The following CCDC3 variants were observed in gnomAD, a reference collection of about 807,000 sequenced individuals.
CCDC3 encodes coiled-coil domain-containing protein 3.
In CCDC3, 24 loss-of-function variants were observed where a neutral mutation model predicts 21.4. The ratio of observed to expected loss-of-function variants is 1.12; its 90% CI spans 0.81 to 1.58. The LOEUF is 1.58. Ranked by LOEUF, CCDC3 falls within the 40% of genes most tolerant of loss-of-function variation. The pLI is 0.00. For synonymous variants in CCDC3, 186 were observed against 166.0 expected (o/e 1.12, Z -0.93); for missense variants, 425 against 360.9 (o/e 1.18, Z -1.44).
chr10:13,036,120 G>C (rs1488371239), intron 5 of CCDC3, among the ~76,000 whole-genome samples: 1 of 151,830 alleles, frequency 6.6e-6, no homozygotes, highest in Non-Finnish European at 1.5e-5. Flanking sequence ...CTCCAGCCTG[G>C]TGACAGAGCA....
chr10:12,899,726 C>T (rs1472327617), intron 2 of CCDC3, among the ~76,000 whole-genome samples: 5 of 152,136 alleles, frequency 3.3e-5, no homozygotes, highest in South Asian at 2.1e-4. Context: ...GTGCGAAATA[C>T]GGTACCCATC....
chr10:13,070,536 C>T (rs935911872), intron 4 of CCDC3, among the ~76,000 whole-genome samples: 10 of 152,136 alleles, frequency 6.6e-5, no homozygotes, highest in African/African-American at 1.9e-4. Flanking sequence ...ATACAGGGTT[C>T]CTAACCTGCG....
intron 2 of CCDC3, among the ~76,000 whole-genome samples, chr10:12,954,711 C>T (rs1468368087): frequency 3.9e-5 from 6 of 152,214 alleles, no homozygotes. Context: ...AAGGGATCCA[C>T]CCCCATGACC....
intron 3 of CCDC3, among the ~76,000 whole-genome samples, chr10:13,098,289 A>G (rs1002153525): frequency 7.9e-5 from 12 of 152,106 alleles, no homozygotes; most frequent in Non-Finnish European, 1.3e-4. Context: ...GCTCATTTTA[A>G]TTCACTTTCA....
Position 12,928,795 on chromosome 10 carries a change from G to A in CCDC3, c.550-30116C>T, listed in dbSNP as rs187528018. On this transcript the variant is annotated intron_variant, in intron 2 of 2. Transcript: ENST00000378825. The stretch of plus-strand genomic sequence containing the variant: ...CCTGGAGCAGCAATTGTGAAGCATC[G>A]TTCTCCTGTTCCAGCATCTCTCCAA... Among the ~76,000 whole-genome samples, 19 of 152,216 alleles carry A rather than the reference G, an allele frequency of 1.2e-4. No individual in the cohort carries two copies. The East Asian group carries it at 2.1e-3, about 17-fold the overall frequency.
chr10:12,927,100 TC>T (rs1834554750), intron 2 of CCDC3, among the ~76,000 whole-genome samples: 1 of 152,064 alleles, frequency 6.6e-6, no homozygotes, highest in African/African-American at 2.4e-5. Flanking sequence ...GTTTTCCATC[TC>T]CCCTGCCAAA....
chr10:12,957,295 C>T (rs1299310789), intron 2 of CCDC3, among the ~76,000 whole-genome samples: 6 of 152,170 alleles, frequency 3.9e-5, no homozygotes, highest in South Asian at 2.1e-4. Context: ...CTAAAGGGTT[C>T]GGGGCCGAGC....
intron 4 of CCDC3, among the ~76,000 whole-genome samples, chr10:13,057,113 C>T (rs1448965077): frequency 6.6e-6 from 1 of 151,858 alleles, no homozygotes; most frequent in Non-Finnish European, 1.5e-5. Context: ...GCAACAACAG[C>T]AAGACCCCAT....
intron 2 of CCDC3, among the ~76,000 whole-genome samples, chr10:12,950,026 A>G (rs1163962357): frequency 1.3e-5 from 2 of 152,142 alleles, no homozygotes; most frequent in African/African-American, 4.8e-5. Flanking sequence ...ATCCAAGCCC[A>G]TCATCACCTC....
intron 2 of CCDC3, among the ~76,000 whole-genome samples, chr10:12,968,248 G>A (rs1039045127): frequency 7.0e-6 from 1 of 142,106 alleles, no homozygotes. Flanking sequence ...AGGAACAAGA[G>A]AAAACAGGAA....
chr10:12,898,601 G>C lies in CCDC3; in HGVS notation c.628C>G (p.Leu210Val). 1 of 1,614,228 alleles carries C rather than the reference G, an allele frequency of 6.2e-7. No homozygotes were observed. The highest frequency in any genetic ancestry group is 8.5e-7 in the Non-Finnish European group (1 of 1,180,032). Residue 210 changes from leucine (L) to valine (V), a missense_variant, in exon 3 of 3, where the codon CTG becomes GTG. Leu to Val is a conservative substitution (Grantham distance 32). Coordinates refer to ENST00000378825, the MANE Select transcript of CCDC3 (RefSeq NM_031455.4). The part of the protein sequence containing the change: ...VKKLQQKVAT[L>V]EKRNRQLRER... ...CGGAGCTGCCGGTTGCGCTTCTCCA[G>C]GGTGGCCACTTTCTGCTGCAGTTTC...
rs1309041196 is a variant in CCDC3 at position 12,901,051 on chromosome 10, C to T, written c.550-2372G>A. Among the ~76,000 whole-genome samples, 3 of 152,176 alleles carry T rather than the reference C, an allele frequency of 2.0e-5. No homozygotes were observed. In the East Asian group the frequency reaches 5.8e-4, roughly 29 times the overall value. ...TGGAGCACCTGTATCCAAGGACTGG[C>T]TGACACCAGGGTATGAAGACCAAGG... On this transcript the variant is annotated intron_variant, in intron 2 of 2. Transcript: ENST00000378825.
At chr10:13,056,255 T>C (rs1464422259) in intron 4 of CCDC3, among the ~76,000 whole-genome samples, 1 of 152,202 alleles carries the variant, frequency 6.6e-6, no homozygotes, top group Non-Finnish European at 1.5e-5. Flanking sequence ...ATTTGGGCAC[T>C]GACATCAGCT....
intron 2 of CCDC3, among the ~76,000 whole-genome samples, chr10:12,927,584 C>CA (rs72098756): frequency 0.063 from 9,471 of 149,986 alleles, 298 homozygotes; most frequent in Non-Finnish European, 0.073. Flanking sequence ...CTACAAATGG[C>CA]AAAAAAAAAC....
At chr10:13,017,133 A>G (rs989392724) in intron 5 of CCDC3, among the ~76,000 whole-genome samples, 1 of 152,052 alleles carries the variant, frequency 6.6e-6, no homozygotes, top group Admixed American at 6.6e-5. Flanking sequence ...GGTCATAAGG[A>G]TGACACAGCC....
chr10:13,050,815 G>T (rs1339117472), intron 4 of CCDC3, among the ~76,000 whole-genome samples: 1 of 151,232 alleles, frequency 6.6e-6, no homozygotes, highest in Non-Finnish European at 1.5e-5. Flanking sequence ...TACAGATGAG[G>T]TCTCACTGTA....
intron 4 of CCDC3, among the ~76,000 whole-genome samples, chr10:13,071,552 A>T (rs988278502): frequency 6.6e-6 from 1 of 152,210 alleles, no homozygotes; most frequent in East Asian, 1.9e-4. Context: ...GACAGGGCGT[A>T]TGTGGGTAAG....
intron 2 of CCDC3, among the ~76,000 whole-genome samples, chr10:12,930,154 T>C (rs2131226362): frequency 6.6e-6 from 1 of 152,232 alleles, no homozygotes; most frequent in East Asian, 1.9e-4. Flanking sequence ...AGGCACAATT[T>C]CAGCCAAATT....
intron 2 of CCDC3, among the ~76,000 whole-genome samples, chr10:12,991,263 T>TC (rs1835676907): frequency 6.6e-6 from 1 of 152,198 alleles, no homozygotes; most frequent in African/African-American, 2.4e-5. Context: ...GTTCATTTTT[T>TC]CCCTCCGTGC....
Sources: gnomAD v4.1 joint callset for allele counts (sites outside exome capture counted in the v4.1 genomes callset) on GRCh38, gnomAD v4.1.1 for gene constraint, MANE v1.5 for transcripts, NCBI Gene and HGNC (gene_info 2026-07-23, HGNC 2026-07-21) for gene names.